INF2: variants seen among roughly 807,000 people sequenced by gnomAD.
INF2 encodes the protein inverted formin-2.
In INF2, 43 loss-of-function variants were observed where a neutral mutation model predicts 123.5. That is an observed-to-expected ratio of 0.35 (90% CI 0.27 to 0.45). The LOEUF (loss-of-function observed/expected upper bound fraction) is 0.45, where lower values mean the gene tolerates loss of function less well. INF2 is among the 20% of genes least tolerant of loss of function. The pLI, the probability that INF2 is intolerant of heterozygous loss-of-function variation, is 1.00. For missense variants in INF2, 1,453 were observed against 1,682.7 expected, an observed-to-expected ratio of 0.86 and a Z score of 2.39; for synonymous variants, 851 against 745.0, an observed-to-expected ratio of 1.14 and a Z score of -2.32.
In INF2 at chr14:104,711,549, A is replaced by G. The variant is rs1015866811; in HGVS notation, c.2419-80A>G. On this transcript the variant is annotated intron_variant, in intron 15 of 22. Coordinates refer to ENST00000392634, the MANE Select transcript of INF2 (RefSeq NM_022489.4). ...CTGGACCTTAATTGCTAAGGGTTAGAGCTGGGGGAGTGGGAACAGGGTCAT... is the reference window on the plus strand; with the variant it reads ...CTGGACCTTAATTGCTAAGGGTTAGGGCTGGGGGAGTGGGAACAGGGTCAT... 2.4e-6 allele frequency: 3 copies of G among 1,266,078 alleles called. No homozygotes were observed. In the African/African-American group the frequency reaches 4.4e-5, roughly 19 times the overall value. The allele number at this position is 1,266,078 out of a possible 1,614,324, so 78.4% of individuals were successfully genotyped here. A position where few individuals can be genotyped will look rare whatever the true frequency, so the allele number is the denominator to read the frequency against.
intron 1 of INF2, among the ~76,000 whole-genome samples, chr14:104,696,075 G>A (rs1477783706): frequency 1.3e-5 from 2 of 152,170 alleles, no homozygotes; most frequent in East Asian, 1.9e-4. Context: ...CCATGTGATT[G>A]AAATCCGTCA....
chr14:104,689,396 G>A (rs986289956), upstream of INF2, among the ~76,000 whole-genome samples: 1 of 152,164 alleles, frequency 6.6e-6, no homozygotes, highest in African/African-American at 2.4e-5. Context: ...CCCACCAGGA[G>A]CCAGGCCAGC....
rs957497937 is a variant in INF2, at chr14:104,710,394, C to T, written c.2239+206C>T. ...TACTGGACGCACAGACACACGCATG[C>T]CCACCGCCACTCGGGCACGTGCACA... On this transcript the variant is annotated intron_variant, in intron 13 of 22. Coordinates refer to ENST00000392634, the MANE Select transcript of INF2 (RefSeq NM_022489.4). Among the ~76,000 whole-genome samples the T allele has an allele frequency of 3.3e-5, 5 of 152,078 alleles. No individual in the cohort carries two copies. In the South Asian group the frequency reaches 8.3e-4, roughly 25 times the overall value.
rs1445826828 is a variant in INF2 at position 104,714,585 on chromosome 14, C to G, written c.3423C>G (p.Leu1141=). The change falls in exon 21 of 23, where the codon CTC becomes CTG. Residue 1141 remains leucine (L), a synonymous_variant. Coordinates refer to ENST00000392634, the MANE Select transcript of INF2 (RefSeq NM_022489.4). ...ATCCCACGTCCTTGCTGGGCGTCCT[C>G]CAGGCCGAGGCCGACAGCACAAGTG... The part of the protein sequence containing the change: ...AKDPTSLLGV[L]QAEADSTSEG... 1 of 1,612,650 alleles carries G rather than the reference C, an allele frequency of 6.2e-7. No individual in the cohort carries two copies. The highest frequency in any genetic ancestry group is 8.5e-7 in the Non-Finnish European group (1 of 1,179,882).
intron 1 of INF2, chr14:104,681,645 G>T: frequency 8.8e-6 from 11 of 1,247,512 alleles, no homozygotes; most frequent in Non-Finnish European, 1.1e-5. Context: ...AGACACGGGG[G>T]CGGAGAGGTG....
chr14:104,707,156 CA>C (rs1479483926), intron 7 of INF2, 96 bp from the exon 8 acceptor site: 4 of 1,509,296 alleles, frequency 2.7e-6, no homozygotes, highest in Non-Finnish European at 3.5e-6. Context: ...ATCCTCTGCC[CA>C]GGGGAGGTGG....
intron 10 of INF2, 56 bp downstream of exon 10, chr14:104,708,788 C>T: frequency 6.4e-7 from 1 of 1,571,034 alleles, no homozygotes; most frequent in Non-Finnish European, 8.8e-7. Context: ...TCCACCTGAG[C>T]CTTCTGACTT....
At chr14:104,694,053 G>T (rs1889073631) in intron 1 of INF2, among the ~76,000 whole-genome samples, 1 of 152,226 alleles carries the variant, frequency 6.6e-6, no homozygotes, top group Admixed American at 6.5e-5. Context: ...ATGCTTCCAT[G>T]TGCAGAGGGC....
In INF2 at chr14:104,689,715, C is replaced by T; in HGVS notation, c.-34C>T. 1 of 985,124 alleles carries T rather than the reference C, an allele frequency of 1.0e-6. No homozygotes were observed. The highest frequency in any genetic ancestry group is 1.7e-5 in the African/African-American group (1 of 57,308). 61.0% of individuals were successfully genotyped at this position (985,124 alleles called of 1,614,324 possible). A position where few individuals can be genotyped will look rare whatever the true frequency, so the allele number is the denominator to read the frequency against. On this transcript the variant is annotated 5_prime_UTR_variant, in exon 1 of 23. Transcript: ENST00000392634. ...CCGGACGGAGCGCCGGCCGCACCACCGCCCTCTGGCCGTTGCCTCACCGGG... is the reference window on the plus strand; with the variant it reads ...CCGGACGGAGCGCCGGCCGCACCACTGCCCTCTGGCCGTTGCCTCACCGGG...
At chr14:104,689,018 T>C (rs4983529), upstream of INF2, among the ~76,000 whole-genome samples, 81,654 of 152,054 alleles carry the variant, frequency 0.54, 21,955 homozygotes, top group East Asian at 0.63. Context: ...CATGCAGCTG[T>C]CTCCACCAAC....
At chr14:104,711,056 G>A in intron 14 of INF2, 23 bp from the exon 15 acceptor site, 1 of 1,605,894 alleles carries the variant, frequency 6.2e-7, no homozygotes, top group Non-Finnish European at 8.5e-7. Context: ...GGGCTGGTGA[G>A]ACTCACTCCC....
At chr14:104,692,874 A>T (rs1889020673) in intron 1 of INF2, among the ~76,000 whole-genome samples, 1 of 152,108 alleles carries the variant, frequency 6.6e-6, no homozygotes, top group Non-Finnish European at 1.5e-5. Flanking sequence ...AGGGAGGGAG[A>T]GAGAGGTACC....
chr14:104,717,226 C>T (rs992783688), intron 22 of INF2, among the ~76,000 whole-genome samples: 1 of 150,878 alleles, frequency 6.6e-6, no homozygotes. Context: ...CTCAGTCCCC[C>T]CCGGGCAGGG....
chr14:104,703,129 T>C lies in INF2; in HGVS notation c.416T>C (p.Val139Ala). The C allele has an allele frequency of 6.2e-7, 1 of 1,613,646 alleles. No individual in the cohort carries two copies. The highest frequency in any genetic ancestry group is 8.5e-7 in the Non-Finnish European group (1 of 1,179,918). The stretch of plus-strand genomic sequence containing the variant: ...GCCCTGGACACATCCAACGTGATGG[T>C]GAAGAAGCAGGTGTTTGAGCTACTG... Reference protein sequence around the residue: ...SQALDTSNVMVKKQVFELLAA... With the variant: ...SQALDTSNVMAKKQVFELLAA... Residue 139 changes from valine (V) to alanine (A), a missense_variant, in exon 3 of 23, where the codon GTG becomes GCG. Physicochemically the swap from Val to Ala is moderately conservative, Grantham distance 64 (BLOSUM62 0). This residue lies in a region of INF2 where 251 missense variants were observed against 349.4 expected (regional missense o/e 0.72). Coordinates refer to ENST00000392634, the MANE Select transcript of INF2 (RefSeq NM_022489.4).
intron 1 of INF2, among the ~76,000 whole-genome samples, chr14:104,700,595 C>T (rs372609523): frequency 7.9e-5 from 12 of 152,328 alleles, no homozygotes; most frequent in East Asian, 3.9e-4. Flanking sequence ...TGCAACCCGC[C>T]TGTCCTGCTG....
rs1311847932 is a variant in INF2, at chr14:104,719,003, T to G, written c.*210T>G. ...GGCACCAGTGCCCTGCCAGGCCTGGTGCCCTCCTGGACCGCCTGCACGTGC... is the reference window on the plus strand; with the variant it reads ...GGCACCAGTGCCCTGCCAGGCCTGGGGCCCTCCTGGACCGCCTGCACGTGC... On this transcript the variant is annotated 3_prime_UTR_variant, in exon 23 of 23. Transcript: ENST00000392634. 25 of 1,263,914 alleles carry G rather than the reference T, an allele frequency of 2.0e-5. No homozygotes were observed. Among genetic ancestry groups the G allele is most frequent in the Non-Finnish European group, 2.5e-5 (24 of 952,464 alleles). 78.3% of individuals were successfully genotyped at this position (1,263,914 alleles called of 1,614,324 possible).
At chr14:104,710,643 C>A in intron 13 of INF2, 1 of 544,334 alleles carries the variant, frequency 1.8e-6, no homozygotes, top group South Asian at 2.2e-5. Flanking sequence ...ACACGGGCAC[C>A]ATCTCTGAAA....
At chr14:104,682,652 GAAGA>G (rs1888553190) in intron 1 of INF2, among the ~76,000 whole-genome samples, 1 of 152,166 alleles carries the variant, frequency 6.6e-6, no homozygotes, top group African/African-American at 2.4e-5. Flanking sequence ...ATCCAGGTGG[GAAGA>G]AAGAGTCTGA....
intron 2 of INF2, 110 bp downstream of exon 2, chr14:104,701,866 C>G: frequency 8.0e-7 from 1 of 1,242,830 alleles, no homozygotes; most frequent in South Asian, 1.6e-5. Flanking sequence ...GGAAGCGCAG[C>G]CAGGCAGGCA....
Sources: gnomAD v4.1 joint callset for allele counts (sites outside exome capture counted in the v4.1 genomes callset) on GRCh38, gnomAD v4.1.1 for gene constraint, gnomAD v4.1.1 regional missense constraint, MANE v1.5 for transcripts, NCBI Gene and HGNC (gene_info 2026-07-23, HGNC 2026-07-21) for gene names.